Variants in RFTN1 observed in about 807,000 individuals in gnomAD.
The protein encoded by RFTN1 is raftlin.
RFTN1 carries 26 observed loss-of-function variants against 46.5 expected under a neutral mutation model. The observed-to-expected ratio is 0.56, with a 90% CI of 0.41 to 0.78. RFTN1 has a LOEUF of 0.78. Among genes scored for constraint, RFTN1 ranks in the 30% least tolerant of loss-of-function variants. The probability of loss-of-function intolerance (pLI) is 0.00; values close to 1 mark genes in which losing one functional copy is unlikely to be tolerated. For synonymous variants in RFTN1, 261 were observed against 284.2 expected (o/e 0.92, Z 0.82); for missense variants, 693 against 718.7 (o/e 0.96, Z 0.41).
At chr3:16,328,785 G>A (rs974572044) in intron 7 of RFTN1, among the ~76,000 whole-genome samples, 7 of 152,154 alleles carry the variant, frequency 4.6e-5, no homozygotes, top group African/African-American at 1.2e-4. Context: ...GAGAACCATC[G>A]CCTAGGTAAT....
rs901097152 is a variant in RFTN1, at chr3:16,451,405, C to T, written c.146-17368G>A. ...CACTCTCCAGTACACCCATGACTTT[C>T]TGCTTCATTAGCTGGCTTGTAGGCT... On this transcript the variant is annotated intron_variant, in intron 2 of 9. Coordinates refer to ENST00000334133, the MANE Select transcript of RFTN1 (RefSeq NM_015150.2). The surrounding 1 kb of genome is among the most constrained non-coding windows in gnomAD (Gnocchi z 4.2). Among the ~76,000 whole-genome samples, 1 of 152,226 alleles carries T rather than the reference C, an allele frequency of 6.6e-6. No homozygotes were observed. The highest frequency in any genetic ancestry group is 1.5e-5 in the Non-Finnish European group (1 of 68,036).
chr3:16,350,175 G>A (rs2071995950), intron 7 of RFTN1: 1 of 152,174 alleles, frequency 6.6e-6, no homozygotes, highest in Non-Finnish European at 1.5e-5. Flanking sequence ...AACATTTCCT[G>A]TAATTCCTTC....
In RFTN1 at chr3:16,403,680, A is replaced by T. The variant is rs866755190; in HGVS notation, c.441+5695T>A. ...ATATATTTTATGTATATAATATATA[A>T]TATATATATAATATATATTTTATGT... On this transcript the variant is annotated intron_variant, in intron 4 of 9. Coordinates refer to ENST00000334133, the MANE Select transcript of RFTN1 (RefSeq NM_015150.2). 3.8e-3 allele frequency among the ~76,000 whole-genome samples: 86 copies of T among 22,398 alleles called. 1 individual carries two copies. Among genetic ancestry groups the T allele is most frequent in the Middle Eastern group, 0.013 (1 of 80 alleles). The allele number at this position is 22,398 out of a possible 152,430, so 14.7% of individuals were successfully genotyped here.
chr3:16,398,187 C>T (rs113755687), intron 4 of RFTN1, among the ~76,000 whole-genome samples: 5,424 of 142,100 alleles, frequency 0.038, 128 homozygotes, highest in Middle Eastern at 0.097. Flanking sequence ...GTGGAGGTTG[C>T]AGTAAGCCGA....
At chr3:16,492,695 T>C (rs1194373446) in intron 2 of RFTN1, among the ~76,000 whole-genome samples, 1 of 152,234 alleles carries the variant, frequency 6.6e-6, no homozygotes, top group South Asian at 2.1e-4. Flanking sequence ...AAGAATAGCA[T>C]GTTCTTCCTC....
rs1167193389 is a variant in RFTN1, at chr3:16,391,872, TTTTTTTTTTG to T, written c.442-13780_442-13771del. On this transcript the variant is annotated intron_variant, in intron 4 of 9. Transcript: ENST00000334133. ...CTAGTGCAAAGGTTTTTTTTTTGTTTTTTTTTTTTGTTTTTTTTTTTGTTTTTTTTACGGG... is the reference window on the plus strand; with the variant it reads ...CTAGTGCAAAGGTTTTTTTTTTGTTTTTTTTTTTTTTGTTTTTTTTACGGG... Among the ~76,000 whole-genome samples the T allele has an allele frequency of 7.6e-3, 119 of 15,642 alleles. 2 individuals are homozygous for T. The highest frequency in any genetic ancestry group is 0.03 in the African/African-American group (117 of 3,884). 10.3% of individuals were successfully genotyped at this position (15,642 alleles called of 152,430 possible).
At chr3:16,409,323 T>C in intron 4 of RFTN1, 52 bp downstream of exon 4, 1 of 1,247,054 alleles carries the variant, frequency 8.0e-7, no homozygotes, top group Non-Finnish European at 1.2e-6. Flanking sequence ...GCCTGTTCAC[T>C]CAGGGGAACA....
chr3:16,434,123 G>T lies in RFTN1; in HGVS notation c.146-86C>A, dbSNP rs2075450308. 3 of 1,192,462 alleles carry T rather than the reference G, an allele frequency of 2.5e-6. No individual in the cohort carries two copies. The Admixed American group carries it at 8.6e-5, about 34-fold the overall frequency. 73.9% of individuals were successfully genotyped at this position (1,192,462 alleles called of 1,614,324 possible). On this transcript the variant is annotated intron_variant, in intron 2 of 9. Transcript: ENST00000334133. Reference sequence around the variant, plus strand: ...CAAACCCCTCTTCCCTTGCCCTCGGGGAGGATCCTCTAGGTCACTGCTAAA... The same window carrying T: ...CAAACCCCTCTTCCCTTGCCCTCGGTGAGGATCCTCTAGGTCACTGCTAAA...
intron 2 of RFTN1, among the ~76,000 whole-genome samples, chr3:16,491,742 G>A (rs1264178351): frequency 1.0e-4 from 15 of 149,468 alleles, no homozygotes; most frequent in African/African-American, 3.0e-4. Context: ...ACATAACCAC[G>A]ATGCAAAAAA....
chr3:16,323,140 TC>T (rs1423065047), intron 9 of RFTN1, among the ~76,000 whole-genome samples: 1 of 152,140 alleles, frequency 6.6e-6, no homozygotes, highest in Non-Finnish European at 1.5e-5. Flanking sequence ...AGAGCCTCTC[TC>T]CTCCATCCTT....
chr3:16,483,910 G>C lies in RFTN1; in HGVS notation c.145+9815C>G, dbSNP rs1369166264. On this transcript the variant is annotated intron_variant, in intron 2 of 9. Coordinates refer to ENST00000334133, the MANE Select transcript of RFTN1 (RefSeq NM_015150.2). This position sits in a 1 kb window ranked among gnomAD's most constrained non-coding sequence, Gnocchi z 4.8. ...TACTAAATCAGAAACTTTGAGGATG[G>C]GGCCCAGGACTCTGCATTTTGACAA... is the stretch of plus-strand genomic sequence containing the variant. Among the ~76,000 whole-genome samples, 1 of 152,170 alleles carries C rather than the reference G, an allele frequency of 6.6e-6. No individual in the cohort carries two copies. Among genetic ancestry groups the C allele is most frequent in the Non-Finnish European group, 1.5e-5 (1 of 68,026 alleles).
At position 16,427,319 on chromosome 3, in the gene RFTN1, AG is replaced by A. The variant is rs1209400986; in HGVS notation, c.332+6531del. Among the ~76,000 whole-genome samples, 2 of 152,176 alleles carry A rather than the reference AG, an allele frequency of 1.3e-5. No homozygotes were observed. Among genetic ancestry groups the A allele is most frequent in the Admixed American group, 1.3e-4 (2 of 15,280 alleles). On this transcript the variant is annotated intron_variant, in intron 3 of 9. Transcript: ENST00000334133. The surrounding 1 kb of genome is among the most constrained non-coding windows in gnomAD (Gnocchi z 5.4). Reference sequence around the variant, plus strand: ...TGAGCCAGGCCACTGTAGGGATCTGAGCTTGCAAGCCCTGTCTTAGAATAAA... The same window carrying A: ...TGAGCCAGGCCACTGTAGGGATCTGACTTGCAAGCCCTGTCTTAGAATAAA...
chr3:16,332,344 CTT>C (rs201309998), intron 7 of RFTN1, among the ~76,000 whole-genome samples: 7 of 87,452 alleles, frequency 8.0e-5, no homozygotes, highest in African/African-American at 1.4e-4. Context: ...TGTCTTCCAA[CTT>C]TTATGTTTTT....
At chr3:16,477,628 C>T (rs565906322) in intron 2 of RFTN1, among the ~76,000 whole-genome samples, 18 of 152,318 alleles carry the variant, frequency 1.2e-4, no homozygotes, top group Admixed American at 1.0e-3. Context: ...CTGACGGCAG[C>T]GACCAGATGC....
intron 4 of RFTN1, among the ~76,000 whole-genome samples, chr3:16,401,552 A>G (rs920071936): frequency 6.6e-6 from 1 of 152,096 alleles, no homozygotes. Flanking sequence ...ATCTCTTCTC[A>G]AAGCATGCTC....
At position 16,433,771 on chromosome 3, in the gene RFTN1, C is replaced by T; in HGVS notation, c.332+80G>A. The T allele has an allele frequency of 6.8e-7, 1 of 1,468,138 alleles. No individual in the cohort carries two copies. The highest frequency in any genetic ancestry group is 9.5e-7 in the Non-Finnish European group (1 of 1,049,680). 90.9% of individuals were successfully genotyped at this position (1,468,138 alleles called of 1,614,324 possible). ...AGCATGCAAATTTCAACCCCCAACC[C>T]CATCCTCTCACTTCCCCTCCTCTAT... On this transcript the variant is annotated intron_variant, in intron 3 of 9. Coordinates refer to ENST00000334133, the MANE Select transcript of RFTN1 (RefSeq NM_015150.2). The surrounding 1 kb of genome is among the most constrained non-coding windows in gnomAD (Gnocchi z 4.4).
At position 16,480,791 on chromosome 3, in the gene RFTN1, T is replaced by G. The variant is rs1337972003; in HGVS notation, c.145+12934A>C. ...TAGTAGGGTGCATAGAATATTAACT[T>G]GTTTTCTGTTCCGCTTTAACCAAAT... is the stretch of plus-strand genomic sequence containing the variant. On this transcript the variant is annotated intron_variant, in intron 2 of 9. Coordinates refer to ENST00000334133, the MANE Select transcript of RFTN1 (RefSeq NM_015150.2). This position sits in a 1 kb window ranked among gnomAD's most constrained non-coding sequence, Gnocchi z 4.3. Among the ~76,000 whole-genome samples, 1 of 152,226 alleles carries G rather than the reference T, an allele frequency of 6.6e-6. No homozygotes were observed. Among genetic ancestry groups the G allele is most frequent in the Non-Finnish European group, 1.5e-5 (1 of 68,036 alleles).
chr3:16,463,884 G>A (rs1046644726), intron 2 of RFTN1, among the ~76,000 whole-genome samples: 2 of 152,102 alleles, frequency 1.3e-5, no homozygotes, highest in Non-Finnish European at 2.9e-5. Context: ...AACCAATCAG[G>A]AACTATTACA....
intron 2 of RFTN1, among the ~76,000 whole-genome samples, chr3:16,491,204 G>A (rs568505753): frequency 3.6e-4 from 55 of 152,198 alleles, no homozygotes; most frequent in African/African-American, 1.3e-3. Flanking sequence ...GAGAGAAGGG[G>A]GTTAAGAAGA....
Sources: allele counts gnomAD v4.1 joint callset (sites outside exome capture counted in the v4.1 genomes callset), GRCh38; gene constraint gnomAD v4.1.1; non-coding constraint Gnocchi (gnomAD v3.1); transcripts MANE v1.5; gene names NCBI Gene and HGNC (gene_info 2026-07-23, HGNC 2026-07-21).